TOM1L1: variants seen among roughly 807,000 people sequenced by gnomAD.
TOM1L1 encodes the protein TOM1-like protein 1.
Under a neutral mutation model 63.4 loss-of-function variants are expected in TOM1L1, and 64 were observed. The observed-to-expected ratio is 1.01, with a 90% CI of 0.83 to 1.24. The LOEUF (loss-of-function observed/expected upper bound fraction) is 1.24, where lower values mean the gene tolerates loss of function less well. TOM1L1 is among the 50% of genes most tolerant of loss of function. The probability of loss-of-function intolerance (pLI) is 0.00; values close to 1 mark genes in which losing one functional copy is unlikely to be tolerated. For missense variants in TOM1L1, 536 were observed against 567.0 expected (o/e 0.95, Z 0.55); for synonymous variants, 166 against 194.4 (o/e 0.85, Z 1.22).
In TOM1L1 at chr17:54,930,166, G is replaced by T; in HGVS notation, c.814G>T (p.Val272Leu). Residue 272 changes from valine to leucine, a missense_variant, in exon 8 of 16, where the codon GTG becomes TTG. Coordinates refer to ENST00000575882, the MANE Select transcript of TOM1L1 (RefSeq NM_005486.3). Reference sequence around the variant, plus strand: ...AGATGTAACTGTTGAGCTAATTCAGGTGAATGAGGATTTGAATAATGCTAT... The same window carrying T: ...AGATGTAACTGTTGAGCTAATTCAGTTGAATGAGGATTTGAATAATGCTAT... ...NEDVTVELIQ[V>L]NEDLNNAILG... The T allele has an allele frequency of 6.2e-7, 1 of 1,614,074 alleles. No individual in the cohort carries two copies. Among genetic ancestry groups the T allele is most frequent in the Non-Finnish European group, 8.5e-7 (1 of 1,179,992 alleles).
intron 7 of TOM1L1, among the ~76,000 whole-genome samples, chr17:54,926,102 T>C (rs1012995020): frequency 1.3e-5 from 2 of 152,356 alleles, no homozygotes; most frequent in South Asian, 2.1e-4. Flanking sequence ...AATTAGATCC[T>C]GAAGCCCTAC....
intron 11 of TOM1L1, among the ~76,000 whole-genome samples, chr17:54,946,918 A>G (rs551039719): frequency 7.9e-5 from 12 of 152,260 alleles, no homozygotes; most frequent in Non-Finnish European, 1.8e-4. Flanking sequence ...GCTCCGCTTT[A>G]TCCTGGACCG....
At chr17:54,958,916 A>T (rs191203019) in intron 14 of TOM1L1, among the ~76,000 whole-genome samples, 2 of 152,272 alleles carry the variant, frequency 1.3e-5, no homozygotes, top group Non-Finnish European at 2.9e-5. Context: ...GGAAGGGAAG[A>T]ATAACTGAAT....
chr17:54,901,404 A>C (rs1283858982), intron 1 of TOM1L1, among the ~76,000 whole-genome samples: 1 of 152,136 alleles, frequency 6.6e-6, no homozygotes, highest in Non-Finnish European at 1.5e-5. Context: ...AAGCTTATAC[A>C]ACCTGGATTA....
chr17:54,918,287 A>G (rs2048625219), intron 7 of TOM1L1, among the ~76,000 whole-genome samples: 1 of 152,194 alleles, frequency 6.6e-6, no homozygotes, highest in Non-Finnish European at 1.5e-5. Flanking sequence ...AAAAAATAAT[A>G]AAAACAAACA....
chr17:54,916,041 G>A lies in TOM1L1; in HGVS notation c.720+179G>A, dbSNP rs116095324. ...GAATGACTTTGTCAGAAATGCAGTA[G>A]TAACTTAGACATGGTTTTTAGCCTC... On this transcript the variant is annotated intron_variant, in intron 7 of 15. Transcript: ENST00000575882. 9.5e-4 allele frequency: 470 copies of A among 493,698 alleles called. 1 individual carries two copies. The highest frequency in any genetic ancestry group is 8.5e-3 in the African/African-American group (428 of 50,322). The allele number at this position is 493,698 out of a possible 1,614,324, so 30.6% of individuals were successfully genotyped here.
intron 12 of TOM1L1, among the ~76,000 whole-genome samples, chr17:54,949,118 C>A (rs560369853): frequency 2.0e-5 from 3 of 151,884 alleles, no homozygotes; most frequent in Non-Finnish European, 2.9e-5. Context: ...TAACTCACTG[C>A]AGCTTCAAAC....
intron 5 of TOM1L1, among the ~76,000 whole-genome samples, chr17:54,914,275 G>A (rs8070668): frequency 0.69 from 103,986 of 151,168 alleles, 36,457 homozygotes; most frequent in African/African-American, 0.83. Flanking sequence ...TGGCTTAAAA[G>A]GACTTGACAT....
At chr17:54,920,705 C>T (rs1376619616) in intron 7 of TOM1L1, among the ~76,000 whole-genome samples, 3 of 152,294 alleles carry the variant, frequency 2.0e-5, no homozygotes, top group Admixed American at 6.5e-5. Flanking sequence ...CTGTCTGAGC[C>T]GCTAAGTCAG....
rs117341420 is a variant in TOM1L1, at chr17:54,924,990, A to G, written c.721-5083A>G. On this transcript the variant is annotated intron_variant, in intron 7 of 15. Transcript: ENST00000575882. ...TCTTCTAGAGGCTATTCTCGAGGCTATTCTCGTCCCTTGACCTATTTGTGC... is the reference window on the plus strand; with the variant it reads ...TCTTCTAGAGGCTATTCTCGAGGCTGTTCTCGTCCCTTGACCTATTTGTGC... Among the ~76,000 whole-genome samples the G allele has an allele frequency of 8.6e-3, 1,305 of 152,352 alleles. 14 individuals are homozygous for G. Among genetic ancestry groups the G allele is most frequent in the Middle Eastern group, 0.034 (10 of 294 alleles).
chr17:54,910,859 C>G (rs1013882392), intron 3 of TOM1L1, among the ~76,000 whole-genome samples: 2 of 152,108 alleles, frequency 1.3e-5, no homozygotes, highest in African/African-American at 4.8e-5. Context: ...AACTTAAACG[C>G]TATATGCTGC....
chr17:54,908,204 C>T (rs1175128018), intron 3 of TOM1L1, among the ~76,000 whole-genome samples: 1 of 152,212 alleles, frequency 6.6e-6, no homozygotes. Context: ...ACACCTTCAT[C>T]CTTGGGGTCA....
In TOM1L1 at chr17:54,949,598, G is replaced by C. The variant is rs1446340030; in HGVS notation, c.1263G>C (p.Leu421=). 4 of 1,613,210 alleles carry C rather than the reference G, an allele frequency of 2.5e-6. No individual in the cohort carries two copies. In the South Asian group the frequency reaches 4.4e-5, roughly 18 times the overall value. The stretch of plus-strand genomic sequence containing the variant: ...CAGCAGCACCATCAAACCAGAGTCT[G>C]CCACCTTTGCCCAGCAATCATCCAG... ...TIAAAPSNQS[L]PPLPSNHPAM... is the part of the protein sequence containing the mutation. The change falls in exon 13 of 16, where the codon CTG becomes CTC. Residue 421 remains leucine, a synonymous_variant. Transcript: ENST00000575882.
chr17:54,920,331 C>G (rs2048663757), intron 7 of TOM1L1, among the ~76,000 whole-genome samples: 1 of 152,182 alleles, frequency 6.6e-6, no homozygotes, highest in South Asian at 2.1e-4. Context: ...AATTGTAAAA[C>G]AGGCATTTTT....
At chr17:54,935,904 C>A (rs908108634) in intron 8 of TOM1L1, among the ~76,000 whole-genome samples, 1 of 152,092 alleles carries the variant, frequency 6.6e-6, no homozygotes, top group Non-Finnish European at 1.5e-5. Flanking sequence ...GGGCGGATCA[C>A]CTGAGGTCGG....
At chr17:54,947,456 AT>A (rs957346954) in intron 12 of TOM1L1, 144 bp downstream of exon 12, 17 of 871,300 alleles carry the variant, frequency 2.0e-5, no homozygotes, top group Admixed American at 5.0e-5. Context: ...AAGGATCAAA[AT>A]TTTTTTGGAG....
At chr17:54,909,635 T>C (rs1009691420) in intron 3 of TOM1L1, among the ~76,000 whole-genome samples, 1 of 152,214 alleles carries the variant, frequency 6.6e-6, no homozygotes, top group Admixed American at 6.5e-5. Flanking sequence ...ATGTTTCATT[T>C]GGGCCTTACA....
chr17:54,930,202 G>T lies in TOM1L1; in HGVS notation c.850G>T (p.Glu284Ter). Residue 284 changes from glutamate (E) to a stop codon, truncating the protein, a stop_gained, in exon 8 of 16, where the codon GAG (glutamate) becomes TAG (stop). Coordinates refer to ENST00000575882, the MANE Select transcript of TOM1L1 (RefSeq NM_005486.3). LOFTEE classifies it high-confidence loss of function. ...EDLNNAILGY[E>*]RFTRNQQRIL... The stretch of plus-strand genomic sequence containing the variant: ...TTTGAATAATGCTATCCTTGGATAT[G>T]AGAGGTGAGCAGATCATGTACCCTC... 1 of 1,614,052 alleles carries T rather than the reference G, an allele frequency of 6.2e-7. No individual in the cohort carries two copies. Among genetic ancestry groups the T allele is most frequent in the Non-Finnish European group, 8.5e-7 (1 of 1,179,966 alleles).
At chr17:54,913,975 A>AG in intron 5 of TOM1L1, 102 bp downstream of exon 5, 1 of 1,329,896 alleles carries the variant, frequency 7.5e-7, no homozygotes, top group East Asian at 2.8e-5. Flanking sequence ...TTAAGCAAAA[A>AG]GATGAAGTTA....
Sources: gnomAD v4.1 joint callset for allele counts (sites outside exome capture counted in the v4.1 genomes callset) on GRCh38, gnomAD v4.1.1 for gene constraint, MANE v1.5 for transcripts, NCBI Gene and HGNC (gene_info 2026-07-23, HGNC 2026-07-21) for gene names.